The following CBR4 variants were observed in gnomAD, a reference collection of about 807,000 sequenced individuals.
CBR4 encodes carbonyl reductase 4, also known as 3-oxoacyl-[acyl-carrier-protein] reductase.
A neutral mutation model predicts 21.0 loss-of-function variants in CBR4; 22 were observed. The observed-to-expected ratio is 1.05, with a 90% CI of 0.75 to 1.50. The LOEUF is 1.50. Ranked by LOEUF, CBR4 falls within the 40% of genes most tolerant of loss-of-function variation. The pLI is 0.00. For synonymous variants in CBR4, 100 were observed against 104.4 expected (o/e 0.96, Z 0.26); for missense variants, 302 against 286.3 (o/e 1.05, Z -0.40).
intron 2 of CBR4, among the ~76,000 whole-genome samples, chr4:168,918,188 CA>C (rs1253657498): frequency 9.6e-4 from 138 of 143,962 alleles, no homozygotes; most frequent in African/African-American, 3.4e-3. Context: ...CCGTCTCCCC[CA>C]CAAAAAAAAA....
chr4:168,974,427 G>A (rs534929927), intron 2 of CBR4, among the ~76,000 whole-genome samples: 1 of 152,308 alleles, frequency 6.6e-6, no homozygotes, highest in African/African-American at 2.4e-5. Context: ...GGTGTTCTTT[G>A]AGGTTCTTGT....
rs1188043565 is a variant in CBR4, at chr4:168,987,853, T to C, written c.*2297A>G. The C allele has an allele frequency of 1.0e-6, 1 of 980,198 alleles. No homozygotes were observed. Among genetic ancestry groups the C allele is most frequent in the Non-Finnish European group, 1.2e-6 (1 of 825,394 alleles). The allele number at this position is 980,198 out of a possible 1,614,324, so 60.7% of individuals were successfully genotyped here. ...TATAATTATCTCCCTAAAAAGCAGTTACAAACCATAAATTGAATATGAATA... is the reference window on the plus strand; with the variant it reads ...TATAATTATCTCCCTAAAAAGCAGTCACAAACCATAAATTGAATATGAATA... On this transcript the variant is annotated 3_prime_UTR_variant, in exon 5 of 5. Coordinates refer to ENST00000306193, the MANE Select transcript of CBR4 (RefSeq NM_032783.5).
At chr4:168,894,764 T>A in exon 3 of CBR4, 1 of 1,552,532 alleles carries the variant, frequency 6.4e-7, no homozygotes, top group South Asian at 1.2e-5. Context: ...TTGGGATGAG[T>A]TCTGTGGAAA....
intron 2 of CBR4, among the ~76,000 whole-genome samples, chr4:168,967,592 C>T (rs1764081430): frequency 6.6e-6 from 1 of 152,090 alleles, no homozygotes; most frequent in Non-Finnish European, 1.5e-5. Flanking sequence ...ACCTAGGAAA[C>T]AGGTCATTGA....
rs1060502976 is a variant in CBR4, at chr4:168,926,257, C to T, written n.170-31492G>A. 1.2e-5 allele frequency: 18 copies of T among 1,536,250 alleles called. No homozygotes were observed. Among genetic ancestry groups the T allele is most frequent in the South Asian group, 3.6e-5 (3 of 83,900 alleles). On this transcript the variant is annotated intron_variant and non_coding_transcript_variant, in intron 2 of 3. Coordinates refer to the CBR4 transcript ENST00000509108. The stretch of plus-strand genomic sequence containing the variant: ...ACAGAGCACCAAGCCAAAAAAAGTA[C>T]GGCCCTCAGCCAGTCGCTATGCAGC...
At chr4:168,941,587 T>G (rs909626792) in intron 2 of CBR4, among the ~76,000 whole-genome samples, 8 of 152,170 alleles carry the variant, frequency 5.3e-5, no homozygotes, top group African/African-American at 1.9e-4. Context: ...TACCCAGTAA[T>G]GGGATTGCTG....
chr4:169,002,810 T>C (rs546120668), intron 3 of CBR4, among the ~76,000 whole-genome samples: 1 of 152,244 alleles, frequency 6.6e-6, no homozygotes, highest in South Asian at 2.1e-4. Flanking sequence ...TATTAGCACT[T>C]TTCCAACACC....
chr4:168,962,731 T>C (rs1763896720), intron 2 of CBR4, among the ~76,000 whole-genome samples: 2 of 152,274 alleles, frequency 1.3e-5, no homozygotes, highest in South Asian at 4.1e-4. Flanking sequence ...AGTATCTAGA[T>C]TGCTAATGGA....
chr4:168,994,382 T>C lies in CBR4; in HGVS notation c.536-4054A>G, dbSNP rs567647202. On this transcript the variant is annotated intron_variant, in intron 4 of 4. Transcript: ENST00000306193. ...AAACCCACAAACTTCAGCATGGGTG[T>C]CATGGCCATCACAAACAGGTCACGG... is the stretch of plus-strand genomic sequence containing the variant. 9.5e-4 allele frequency among the ~76,000 whole-genome samples: 145 copies of C among 152,278 alleles called. 1 individual carries two copies. Among genetic ancestry groups the C allele is most frequent in the African/African-American group, 3.4e-3 (140 of 41,548 alleles).
At chr4:168,927,465 G>A (rs776986660) in intron 2 of CBR4, 5 of 232,672 alleles carry the variant, frequency 2.1e-5, no homozygotes, top group Middle Eastern at 1.2e-3. Context: ...AAGATTTTAG[G>A]TATGTAGAGC....
intron 2 of CBR4, among the ~76,000 whole-genome samples, chr4:168,897,354 A>T (rs952237702): frequency 2.0e-5 from 3 of 152,236 alleles, no homozygotes; most frequent in Non-Finnish European, 2.9e-5. Context: ...TGTTTTTTAA[A>T]CACTGAGTAA....
At chr4:168,906,658 T>C (rs1400374862) in intron 2 of CBR4, among the ~76,000 whole-genome samples, 4 of 152,210 alleles carry the variant, frequency 2.6e-5, no homozygotes, top group African/African-American at 9.7e-5. Flanking sequence ...AAGGTCTTCC[T>C]CAGTCACCCA....
rs923138883 is a variant in CBR4 at position 168,946,658 on chromosome 4, G to A, written n.170-51893C>T. Reference sequence around the variant, plus strand: ...TAGATTATCTATGTTAGCATGTAACGGGTTTACTCTTGTTATTTTTGATGA... The same window carrying A: ...TAGATTATCTATGTTAGCATGTAACAGGTTTACTCTTGTTATTTTTGATGA... On this transcript the variant is annotated intron_variant and non_coding_transcript_variant, in intron 2 of 3. Transcript: ENST00000509108. Among the ~76,000 whole-genome samples the A allele has an allele frequency of 3.9e-5, 6 of 152,018 alleles. No individual in the cohort carries two copies. The East Asian group carries it at 5.8e-4, about 15-fold the overall frequency.
At chr4:169,002,284 T>C (rs1024644752) in intron 3 of CBR4, 79 bp from the exon 4 acceptor site, 46 of 1,289,602 alleles carry the variant, frequency 3.6e-5, no homozygotes, top group Admixed American at 7.4e-5. Context: ...TTAGATAATT[T>C]ATAGTAAACA....
intron 2 of CBR4, among the ~76,000 whole-genome samples, chr4:168,936,996 T>C (rs758127469): frequency 3.3e-5 from 5 of 151,704 alleles, no homozygotes; most frequent in Non-Finnish European, 7.4e-5. Flanking sequence ...TTCACCAAGG[T>C]TGAAGAAATG....
intron 2 of CBR4, among the ~76,000 whole-genome samples, chr4:168,930,780 G>C (rs921673506): frequency 6.6e-6 from 1 of 152,106 alleles, no homozygotes; most frequent in African/African-American, 2.4e-5. Context: ...CTGGGAAAAC[G>C]TAAGCAGAGC....
At chr4:168,953,397 T>A (rs145856616) in intron 2 of CBR4, among the ~76,000 whole-genome samples, 1,874 of 152,218 alleles carry the variant, frequency 0.012, 40 homozygotes, top group African/African-American at 0.04. Context: ...AGAGGCTTAA[T>A]AAAACCTACA....
rs768447479 is a variant in CBR4, at chr4:169,006,901, G to C, written c.264-10C>G. On this transcript the variant is annotated splice_polypyrimidine_tract_variant and intron_variant, in intron 2 of 4. Transcript: ENST00000306193. ...TACTAAAAGACCATCCCTACAAAAA[G>C]AAACAGCATATAATAGCATATAATA... 7.5e-6 allele frequency: 12 copies of C among 1,605,630 alleles called. No individual in the cohort carries two copies. The South Asian group carries it at 1.3e-4, about 18-fold the overall frequency.
chr4:169,003,857 A>G (rs1298012933), intron 3 of CBR4, among the ~76,000 whole-genome samples: 6 of 152,136 alleles, frequency 3.9e-5, no homozygotes, highest in Admixed American at 2.0e-4. Flanking sequence ...AAAAAACCAA[A>G]CACCGCATGT....
Sources: allele counts gnomAD v4.1 joint callset (sites outside exome capture counted in the v4.1 genomes callset), GRCh38; gene constraint gnomAD v4.1.1; transcripts MANE v1.5; gene names NCBI Gene and HGNC (gene_info 2026-07-23, HGNC 2026-07-21).